ZNF675: variants seen among roughly 807,000 people sequenced by gnomAD.
The protein encoded by ZNF675 is zinc finger protein 675.
Under a neutral mutation model 56.1 loss-of-function variants are expected in ZNF675, and 36 were observed. The observed-to-expected ratio is 0.64, with a 90% confidence interval of 0.49 to 0.85. The LOEUF (loss-of-function observed/expected upper bound fraction) is 0.85, where lower values mean the gene tolerates loss of function less well. Among genes scored for constraint, ZNF675 ranks in the 40% least tolerant of loss-of-function variants. The pLI is 0.00. For missense variants in ZNF675, 663 were observed against 654.2 expected (o/e 1.01, Z -0.15); for synonymous variants, 200 against 218.9 (o/e 0.91, Z 0.76).
At chr19:23,684,403 G>C (rs1055698338) in intron 1 of ZNF675, among the ~76,000 whole-genome samples, 1 of 152,140 alleles carries the variant, frequency 6.6e-6, no homozygotes, top group Non-Finnish European at 1.5e-5. Flanking sequence ...CCAGCACTTT[G>C]GGAGGCCAAG....
Position 23,653,456 on chromosome 19 carries a change from A to G in ZNF675, c.1477T>C (p.Ser493Pro), listed in dbSNP as rs1401598265. ...ATTCTTTTATGTGTAGTAAGGGATG[A>G]GGAGTGTTTAAAAGCTTTGCCACAT... The part of the protein sequence containing the change: ...EECGKAFKHS[S>P]SLTTHKRIHT... The change falls in exon 4 of 4, where the codon TCA becomes CCA. Residue 493 changes from serine to proline, a missense_variant. Physicochemically the swap from Ser to Pro is moderately conservative, Grantham distance 74. Transcript: ENST00000359788. 2 of 1,612,904 alleles carry G rather than the reference A, an allele frequency of 1.2e-6. No homozygotes were observed. Among genetic ancestry groups the G allele is most frequent in the Non-Finnish European group, 1.7e-6 (2 of 1,179,704 alleles).
At chr19:23,669,907 G>C (rs1450019057) in intron 1 of ZNF675, among the ~76,000 whole-genome samples, 2 of 151,888 alleles carry the variant, frequency 1.3e-5, no homozygotes, top group African/African-American at 2.4e-5. Flanking sequence ...CAGTGGTGGA[G>C]GGAACCATTC....
intron 1 of ZNF675, among the ~76,000 whole-genome samples, chr19:23,677,706 CAAAAAAAAAAAA>C (rs34806137): frequency 1.2e-5 from 1 of 80,724 alleles, no homozygotes; most frequent in Non-Finnish European, 2.5e-5. Context: ...GACTCCGTCT[CAAAAAAAAAAAA>C]AAAAAAAAAA....
chr19:23,675,801 G>C (rs1359636159), intron 1 of ZNF675, among the ~76,000 whole-genome samples: 1 of 151,360 alleles, frequency 6.6e-6, no homozygotes, highest in Non-Finnish European at 1.5e-5. Context: ...AGAGAAGTGA[G>C]AGCAAATCAA....
At chr19:23,684,665 G>A (rs1419903080) in intron 1 of ZNF675, among the ~76,000 whole-genome samples, 1 of 151,870 alleles carries the variant, frequency 6.6e-6, no homozygotes, top group Non-Finnish European at 1.5e-5. Context: ...GAAAACAGGT[G>A]TGTCTAATTC....
chr19:23,663,578 G>A (rs11879775), intron 1 of ZNF675, among the ~76,000 whole-genome samples: 1,742 of 152,200 alleles, frequency 0.011, 36 homozygotes, highest in African/African-American at 0.039. Context: ...TGTAATCCCA[G>A]CTACTCAGGA....
rs1487817288 is a variant in ZNF675 at position 23,653,175 on chromosome 19, G to T, written c.*51C>A. On this transcript the variant is annotated 3_prime_UTR_variant, in exon 4 of 4. Coordinates refer to ENST00000359788, the MANE Select transcript of ZNF675 (RefSeq NM_138330.3). ...TTTACATTTCTAGAATTTTTCACCAGTATGATTTCCTTTATATTTAGAAAA... is the reference window on the plus strand; with the variant it reads ...TTTACATTTCTAGAATTTTTCACCATTATGATTTCCTTTATATTTAGAAAA... 4 of 1,478,412 alleles carry T rather than the reference G, an allele frequency of 2.7e-6. No individual in the cohort carries two copies. Among genetic ancestry groups the T allele is most frequent in the Non-Finnish European group, 3.6e-6 (4 of 1,101,384 alleles). The allele number at this position is 1,478,412 out of a possible 1,614,324, so 91.6% of individuals were successfully genotyped here.
intron 3 of ZNF675, chr19:23,658,395 C>A (rs540230699): frequency 0.011 from 1,688 of 150,834 alleles, 11 homozygotes; most frequent in Middle Eastern, 0.021. Flanking sequence ...AAAACAAAGA[C>A]AATTTTGGGC....
chr19:23,665,511 T>C (rs1199774836), intron 1 of ZNF675, among the ~76,000 whole-genome samples: 1 of 151,940 alleles, frequency 6.6e-6, no homozygotes, highest in Non-Finnish European at 1.5e-5. Context: ...TTTGTGTGTG[T>C]GTGTGATGGA....
At chr19:23,672,404 C>T (rs1968238715) in intron 1 of ZNF675, among the ~76,000 whole-genome samples, 1 of 152,122 alleles carries the variant, frequency 6.6e-6, no homozygotes, top group Non-Finnish European at 1.5e-5. Context: ...CCTGGAGCCC[C>T]TCACATAACT....
At chr19:23,668,791 G>A (rs1206458361) in intron 1 of ZNF675, among the ~76,000 whole-genome samples, 3 of 152,160 alleles carry the variant, frequency 2.0e-5, no homozygotes, top group East Asian at 1.9e-4. Flanking sequence ...CTCATTGCCC[G>A]GGGCGGGCAG....
chr19:23,677,464 G>C (rs1968312935), intron 1 of ZNF675, among the ~76,000 whole-genome samples: 1 of 151,538 alleles, frequency 6.6e-6, no homozygotes, highest in African/African-American at 2.4e-5. Context: ...CCAGCACTTT[G>C]GGAGGCCAAG....
At chr19:23,673,637 A>G (rs1032153777) in intron 1 of ZNF675, among the ~76,000 whole-genome samples, 8 of 152,166 alleles carry the variant, frequency 5.3e-5, no homozygotes, top group African/African-American at 7.2e-5. Context: ...GTAATTCCAG[A>G]CAGTGTTTGG....
intron 1 of ZNF675, among the ~76,000 whole-genome samples, chr19:23,673,507 T>C (rs1163663292): frequency 1.3e-5 from 2 of 152,206 alleles, no homozygotes; most frequent in African/African-American, 4.8e-5. Flanking sequence ...CAATTCTGCC[T>C]GCATATTTAG....
intron 1 of ZNF675, among the ~76,000 whole-genome samples, chr19:23,683,300 T>C (rs1170936501): frequency 6.6e-6 from 1 of 151,720 alleles, no homozygotes. Flanking sequence ...ATCAAGATCA[T>C]AGGATATAGA....
At chr19:23,682,411 T>C (rs78694295) in intron 1 of ZNF675, among the ~76,000 whole-genome samples, 3,235 of 151,972 alleles carry the variant, frequency 0.021, 185 homozygotes, top group African/African-American at 0.07. Flanking sequence ...AAAATTTTTT[T>C]TACATAAATC....
chr19:23,659,337 G>A (rs1401164487), intron 3 of ZNF675, among the ~76,000 whole-genome samples: 1 of 152,060 alleles, frequency 6.6e-6, no homozygotes, highest in Non-Finnish European at 1.5e-5. Context: ...TTGGTAAGAT[G>A]GGAGAATAAA....
At chr19:23,684,008 TC>T (rs1226237404) in intron 1 of ZNF675, among the ~76,000 whole-genome samples, 1 of 152,086 alleles carries the variant, frequency 6.6e-6, no homozygotes, top group Non-Finnish European at 1.5e-5. Flanking sequence ...ACGCCTGTAA[TC>T]CCAGCACTTT....
At chr19:23,684,501 G>A (rs1968418713) in intron 1 of ZNF675, among the ~76,000 whole-genome samples, 1 of 151,856 alleles carries the variant, frequency 6.6e-6, no homozygotes, top group Admixed American at 6.6e-5. Flanking sequence ...AAAATTAGCT[G>A]GGCATGGTGG....
Sources: allele counts gnomAD v4.1 joint callset (sites outside exome capture counted in the v4.1 genomes callset), GRCh38; gene constraint gnomAD v4.1.1; transcripts MANE v1.5; gene names NCBI Gene and HGNC (gene_info 2026-07-23, HGNC 2026-07-21).